The following GDAP1L1 variants were observed in gnomAD, a reference collection of about 807,000 sequenced individuals.
GDAP1L1 encodes the protein ganglioside-induced differentiation-associated protein 1-like 1.
GDAP1L1 carries 21 observed loss-of-function variants against 37.1 expected under a neutral mutation model. That is an observed-to-expected ratio of 0.57 (90% CI 0.40 to 0.81). The LOEUF is 0.81. Among genes scored for constraint, GDAP1L1 ranks in the 40% least tolerant of loss-of-function variants. GDAP1L1 has a pLI of 0.00. For synonymous variants in GDAP1L1, 193 were observed against 209.1 expected (o/e 0.92, Z 0.67); for missense variants, 362 against 491.6 (o/e 0.74, Z 2.49).
chr20:44,278,737 A>G (rs2062610363), intron 5 of GDAP1L1, among the ~76,000 whole-genome samples: 1 of 152,220 alleles, frequency 6.6e-6, no homozygotes, highest in African/African-American at 2.4e-5. Flanking sequence ...AGGATAAGAA[A>G]ACAAAAGAAT....
chr20:44,271,648 G>C (rs528578134), intron 5 of GDAP1L1, among the ~76,000 whole-genome samples: 68 of 152,280 alleles, frequency 4.5e-4, no homozygotes, highest in Non-Finnish European at 8.2e-4. Flanking sequence ...GGTGGCTGAA[G>C]AAGGATGTGG....
At chr20:44,250,336 C>T (rs187909808) in intron 1 of GDAP1L1, among the ~76,000 whole-genome samples, 93 of 152,328 alleles carry the variant, frequency 6.1e-4, no homozygotes, top group Admixed American at 1.1e-3. Context: ...CCAGTTATAT[C>T]CACACCTGTA....
chr20:44,252,275 G>T (rs573794641), intron 1 of GDAP1L1, among the ~76,000 whole-genome samples: 12 of 152,234 alleles, frequency 7.9e-5, no homozygotes, highest in Non-Finnish European at 1.3e-4. Flanking sequence ...ACTGTGGGAG[G>T]CCAAGGTGGG....
chr20:44,247,289 G>A (rs758428645), upstream of GDAP1L1: 2 of 1,598,798 alleles, frequency 1.3e-6, no homozygotes, highest in South Asian at 2.2e-5. Context: ...AGAGAGAGCC[G>A]CCGCGCCGGA....
chr20:44,260,472 A>G (rs1016380411), intron 3 of GDAP1L1, among the ~76,000 whole-genome samples: 10 of 152,276 alleles, frequency 6.6e-5, no homozygotes, highest in African/African-American at 9.6e-5. Flanking sequence ...CTTTTATAGT[A>G]CATTCTTCAA....
intron 5 of GDAP1L1, among the ~76,000 whole-genome samples, chr20:44,274,284 C>T (rs913092699): frequency 2.6e-5 from 4 of 152,178 alleles, no homozygotes; most frequent in Non-Finnish European, 5.9e-5. Flanking sequence ...TTCTCTGTGG[C>T]ATCATCCACA....
chr20:44,253,509 A>G (rs1049705620), intron 1 of GDAP1L1, among the ~76,000 whole-genome samples: 22 of 152,262 alleles, frequency 1.4e-4, no homozygotes, highest in Admixed American at 1.2e-3. Flanking sequence ...AACCCAGCCC[A>G]TCACATAAAC....
intron 1 of GDAP1L1, among the ~76,000 whole-genome samples, chr20:44,248,771 G>A (rs2073383823): frequency 6.6e-6 from 1 of 152,182 alleles, no homozygotes; most frequent in Admixed American, 6.5e-5. Context: ...TCTGGAATGG[G>A]GTCCAAGATG....
intron 1 of GDAP1L1, among the ~76,000 whole-genome samples, chr20:44,250,508 G>A (rs980238167): frequency 2.6e-5 from 4 of 152,180 alleles, no homozygotes; most frequent in East Asian, 1.9e-4. Context: ...CCAGACATGC[G>A]GTCAAACCCC....
At chr20:44,267,476 TG>T (rs2062466367) in intron 5 of GDAP1L1, among the ~76,000 whole-genome samples, 1 of 152,060 alleles carries the variant, frequency 6.6e-6, no homozygotes, top group Admixed American at 6.5e-5. Flanking sequence ...CTGGGCATGG[TG>T]GTGGGCACCT....
intron 2 of GDAP1L1, 143 bp downstream of exon 2, chr20:44,257,488 A>T: frequency 1.2e-6 from 1 of 808,048 alleles, no homozygotes; most frequent in East Asian, 2.7e-5. Context: ...CCCAAAAAGG[A>T]GCCACAGAGC....
Position 44,279,612 on chromosome 20 carries a change from A to G in GDAP1L1, c.*312A>G, listed in dbSNP as rs1317369645. 1 of 505,956 alleles carries G rather than the reference A, an allele frequency of 2.0e-6. No homozygotes were observed. Among genetic ancestry groups the G allele is most frequent in the Admixed American group, 2.3e-5 (1 of 43,502 alleles). The allele number at this position is 505,956 out of a possible 1,614,324, so 31.3% of individuals were successfully genotyped here. A position where few individuals can be genotyped will look rare whatever the true frequency, so the allele number is the denominator to read the frequency against. On this transcript the variant is annotated 3_prime_UTR_variant, in exon 6 of 6. Coordinates refer to ENST00000342560, the MANE Select transcript of GDAP1L1 (RefSeq NM_024034.6). ...CAAGATGGAACTGTGGAGACTGGTTAGGATCTGAGGTGAGTCCCAGGATGT... is the reference window on the plus strand; with the variant it reads ...CAAGATGGAACTGTGGAGACTGGTTGGGATCTGAGGTGAGTCCCAGGATGT...
intron 5 of GDAP1L1, among the ~76,000 whole-genome samples, chr20:44,276,424 GA>G (rs2062578171): frequency 7.4e-6 from 1 of 135,092 alleles, no homozygotes; most frequent in Admixed American, 8.4e-5. Flanking sequence ...AAGAAAGAAA[GA>G]AAGAAAGAAA....
chr20:44,257,170 C>T lies in GDAP1L1; in HGVS notation c.198C>T (p.Ala66=), dbSNP rs374439897. The T allele has an allele frequency of 2.5e-6, 4 of 1,596,608 alleles. No individual in the cohort carries two copies. The highest frequency in any genetic ancestry group is 3.4e-6 in the Non-Finnish European group (4 of 1,173,310). ...FSSQKVRLVI[A]EKGLVCEERD... ...GCCTGCAGGTGCGGCTGGTGATCGCCGAGAAGGGCCTGGTGTGCGAGGAGC... is the reference window on the plus strand; with the variant it reads ...GCCTGCAGGTGCGGCTGGTGATCGCTGAGAAGGGCCTGGTGTGCGAGGAGC... Residue 66 remains alanine (A), a synonymous_variant, in exon 2 of 6, where the codon GCC becomes GCT. Coordinates refer to ENST00000342560, the MANE Select transcript of GDAP1L1 (RefSeq NM_024034.6).
chr20:44,276,791 T>G (rs2062587471), intron 5 of GDAP1L1, among the ~76,000 whole-genome samples: 1 of 152,154 alleles, frequency 6.6e-6, no homozygotes. Context: ...GCGTTTCCAC[T>G]CTAGTAGAGG....
chr20:44,247,477 T>C lies in GDAP1L1; in HGVS notation c.143T>C (p.Val48Ala). 1 of 1,593,104 alleles carries C rather than the reference T, an allele frequency of 6.3e-7. No individual in the cohort carries two copies. The highest frequency in any genetic ancestry group is 8.5e-7 in the Non-Finnish European group (1 of 1,169,684). Residue 48 changes from valine (V) to alanine (A), a missense_variant, in exon 1 of 6, where the codon GTT becomes GCT. Around this residue, in one of 2 missense-constraint regions of GDAP1L1, gnomAD observed 277 missense variants for 337.1 expected, o/e 0.82. Coordinates refer to ENST00000342560, the MANE Select transcript of GDAP1L1 (RefSeq NM_024034.6). ...GCCCATTGGCCCAGGGAGAGCCTGGTTCTGTACCACTGGACCCAGTCCTTC... is the reference window on the plus strand; with the variant it reads ...GCCCATTGGCCCAGGGAGAGCCTGGCTCTGTACCACTGGACCCAGTCCTTC... ...SPAHWPRESLVLYHWTQSFSS... is the reference protein window; with the variant it reads ...SPAHWPRESLALYHWTQSFSS...
At chr20:44,251,192 A>C (rs750022730) in intron 1 of GDAP1L1, among the ~76,000 whole-genome samples, 38 of 152,210 alleles carry the variant, frequency 2.5e-4, no homozygotes, top group East Asian at 1.9e-4. Context: ...ATTAAGATCT[A>C]ATGCATGTAA....
In GDAP1L1 at chr20:44,258,422, C is replaced by A. The variant is rs372238773; in HGVS notation, c.374-12C>A. The stretch of plus-strand genomic sequence containing the variant: ...TCTGGCTTCCCTGCCCAGCCCCTGG[C>A]GGTGCCCACAGAGCACGTGGTGGCC... On this transcript the variant is annotated splice_polypyrimidine_tract_variant and intron_variant, in intron 2 of 5. Coordinates refer to ENST00000342560, the MANE Select transcript of GDAP1L1 (RefSeq NM_024034.6). The A allele has an allele frequency of 2.6e-6, 4 of 1,546,612 alleles. No individual in the cohort carries two copies. Among genetic ancestry groups the A allele is most frequent in the South Asian group, 1.2e-5 (1 of 83,840 alleles).
In GDAP1L1 at chr20:44,279,020, C is replaced by T. The variant is rs1458715134; in HGVS notation, c.824C>T (p.Ala275Val). Residue 275 changes from alanine (A) to valine (V), a missense_variant, in exon 6 of 6, where the codon GCC becomes GTC. This residue lies in a region of GDAP1L1 where 85 missense variants were observed against 154.4 expected (regional missense o/e 0.55). Coordinates refer to ENST00000342560, the MANE Select transcript of GDAP1L1 (RefSeq NM_024034.6). ...AFTLADVLLGATLHRLKFLGL... is the reference protein window; with the variant it reads ...AFTLADVLLGVTLHRLKFLGL... ...ACCCTCGCTGATGTCCTCCTGGGAG[C>T]CACCCTGCACCGCCTCAAGTTCCTG... is the stretch of plus-strand genomic sequence containing the variant. 1 of 1,614,070 alleles carries T rather than the reference C, an allele frequency of 6.2e-7. No homozygotes were observed. The highest frequency in any genetic ancestry group is 2.2e-5 in the East Asian group (1 of 44,872).
Sources: allele counts gnomAD v4.1 joint callset (sites outside exome capture counted in the v4.1 genomes callset), GRCh38; gene constraint gnomAD v4.1.1; regional missense constraint gnomAD v4.1.1; transcripts MANE v1.5; gene names NCBI Gene and HGNC (gene_info 2026-07-23, HGNC 2026-07-21).